Variants in HPSE2 observed in about 807,000 individuals in gnomAD.
HPSE2 encodes heparanase 2 (inactive), also known as inactive heparanase-2.
A neutral mutation model predicts 60.5 loss-of-function variants in HPSE2; 38 were observed. The observed-to-expected ratio is 0.63, with a 90% CI of 0.48 to 0.82. The LOEUF is 0.82. HPSE2 is among the 40% of genes least tolerant of loss of function. The probability of loss-of-function intolerance (pLI) is 0.00; values close to 1 mark genes in which losing one functional copy is unlikely to be tolerated. For synonymous variants in HPSE2, 295 were observed against 293.2 expected, an observed-to-expected ratio of 1.01 and a Z score of -0.06; for missense variants, 713 against 740.4, an observed-to-expected ratio of 0.96 and a Z score of 0.43.
chr10:98,555,834 T>C (rs1943993074), intron 9 of HPSE2, among the ~76,000 whole-genome samples: 1 of 152,180 alleles, frequency 6.6e-6, no homozygotes, highest in African/African-American at 2.4e-5. Context: ...AAGGCCATTA[T>C]CAATGAAGCA....
At chr10:98,542,440 C>T (rs1181766520) in intron 9 of HPSE2, among the ~76,000 whole-genome samples, 52 of 140,182 alleles carry the variant, frequency 3.7e-4, no homozygotes, top group South Asian at 7.0e-4. Context: ...TCCAAAGGAA[C>T]GCAGTTCCTC....
chr10:98,962,988 A>G (rs1396342912), intron 3 of HPSE2, among the ~76,000 whole-genome samples: 1 of 152,174 alleles, frequency 6.6e-6, no homozygotes, highest in Non-Finnish European at 1.5e-5. Context: ...TGTTCTACAG[A>G]GCACATTCTC....
intron 3 of HPSE2, among the ~76,000 whole-genome samples, chr10:98,986,468 G>T (rs1161785296): frequency 3.3e-5 from 5 of 151,234 alleles, no homozygotes; most frequent in African/African-American, 1.2e-4. Flanking sequence ...CAACATACCA[G>T]AATCTCTGGG....
intron 3 of HPSE2, among the ~76,000 whole-genome samples, chr10:98,757,950 C>T (rs965618278): frequency 6.6e-6 from 1 of 152,080 alleles, no homozygotes; most frequent in African/African-American, 2.4e-5. Flanking sequence ...TGCTACAAGG[C>T]TACAAAAACC....
intron 5 of HPSE2, among the ~76,000 whole-genome samples, chr10:98,709,703 T>C (rs1398770836): frequency 6.6e-6 from 1 of 152,226 alleles, no homozygotes; most frequent in Non-Finnish European, 1.5e-5. Flanking sequence ...GGACTCCAAA[T>C]CTAGGAGAAT....
chr10:98,688,465 C>CTTTTTTTT lies in HPSE2; in HGVS notation c.1004+5427_1004+5434dup, dbSNP rs562095149. Among the ~76,000 whole-genome samples, 171 of 103,730 alleles carry CTTTTTTTT rather than the reference C, an allele frequency of 1.6e-3. 8 individuals carry two copies. The highest frequency in any genetic ancestry group is 6.0e-3 in the East Asian group (21 of 3,520). 68.1% of individuals were successfully genotyped at this position (103,730 alleles called of 152,430 possible). A position where few individuals can be genotyped will look rare whatever the true frequency, so the allele number is the denominator to read the frequency against. On this transcript the variant is annotated intron_variant, in intron 6 of 11. Coordinates refer to ENST00000370552, the MANE Select transcript of HPSE2 (RefSeq NM_021828.5). Reference sequence around the variant, plus strand: ...GTCTGAAGAATTTCCTTTAGCATTTCTTTTTTTTTTTCTTTTTTTTTTTTT... The same window carrying CTTTTTTTT: ...GTCTGAAGAATTTCCTTTAGCATTTCTTTTTTTTTTTTTTTTTTTCTTTTTTTTTTTTT...
chr10:98,798,106 C>G lies in HPSE2; in HGVS notation c.611-54050G>C, dbSNP rs192918404. ...AAGGATGGAATAACATACAATGGAG[C>G]TGCAATAGGTCTGGCAGCAGATTTT... is the stretch of plus-strand genomic sequence containing the variant. On this transcript the variant is annotated intron_variant, in intron 3 of 11. Coordinates refer to ENST00000370552, the MANE Select transcript of HPSE2 (RefSeq NM_021828.5). 3.9e-5 allele frequency among the ~76,000 whole-genome samples: 6 copies of G among 152,176 alleles called. No individual in the cohort carries two copies. In the East Asian group the frequency reaches 7.7e-4, roughly 20 times the overall value.
At chr10:98,466,851 T>A (rs1420045348) in intron 11 of HPSE2, among the ~76,000 whole-genome samples, 1 of 152,168 alleles carries the variant, frequency 6.6e-6, no homozygotes, top group Non-Finnish European at 1.5e-5. Flanking sequence ...GACCATGATA[T>A]TGACCTGTCT....
intron 9 of HPSE2, among the ~76,000 whole-genome samples, chr10:98,512,989 A>G (rs938930409): frequency 1.3e-5 from 2 of 152,148 alleles, no homozygotes; most frequent in African/African-American, 4.8e-5. Flanking sequence ...CTCCTGGGAC[A>G]CTTGATTCAA....
intron 3 of HPSE2, among the ~76,000 whole-genome samples, chr10:98,750,113 T>C (rs1204780012): frequency 2.6e-5 from 4 of 151,480 alleles, no homozygotes; most frequent in Admixed American, 2.0e-4. Context: ...AGCATCACAA[T>C]TAAGGTGTCA....
At position 98,514,711 on chromosome 10, in the gene HPSE2, GT is replaced by G. The variant is rs35977879; in HGVS notation, c.1321-24516del. On this transcript the variant is annotated intron_variant, in intron 9 of 11. Transcript: ENST00000370552. ...TCATTTGGCTGTGGTTATATACTTTGTTTTTTTTTTTTTTTTTTTTTTTTTT... is the reference window on the plus strand; with the variant it reads ...TCATTTGGCTGTGGTTATATACTTTGTTTTTTTTTTTTTTTTTTTTTTTTT... Among the ~76,000 whole-genome samples the G allele has an allele frequency of 7.1e-3, 483 of 67,694 alleles. 3 individuals are homozygous for G. The highest frequency in any genetic ancestry group is 0.024 in the African/African-American group (453 of 19,048). 44.4% of individuals were successfully genotyped at this position (67,694 alleles called of 152,430 possible).
chr10:99,295,237 A>T, the HPSE2 span, among the ~76,000 whole-genome samples: 2 of 152,204 alleles, frequency 1.3e-5, no homozygotes, highest in Admixed American at 1.3e-4. Flanking sequence ...TAAAATAGAG[A>T]AATTGACGTA....
At chr10:98,810,092 T>C (rs139217316) in intron 3 of HPSE2, among the ~76,000 whole-genome samples, 1 of 152,276 alleles carries the variant, frequency 6.6e-6, no homozygotes, top group East Asian at 1.9e-4. Flanking sequence ...TCTGCAGTTA[T>C]CCTTGCTTTT....
At chr10:98,772,996 C>T (rs533301962) in intron 3 of HPSE2, among the ~76,000 whole-genome samples, 78 of 152,164 alleles carry the variant, frequency 5.1e-4, no homozygotes, top group Non-Finnish European at 9.4e-4. Context: ...TAGGAAGGAC[C>T]TATTTCCTCT....
intron 3 of HPSE2, among the ~76,000 whole-genome samples, chr10:98,847,630 C>T (rs1376149526): frequency 1.3e-5 from 2 of 152,178 alleles, no homozygotes; most frequent in African/African-American, 2.4e-5. Context: ...TCTGCTATGG[C>T]AAGGGATGGA....
chr10:99,015,919 T>A (rs1204998290), intron 3 of HPSE2, among the ~76,000 whole-genome samples: 1 of 152,226 alleles, frequency 6.6e-6, no homozygotes, highest in Non-Finnish European at 1.5e-5. Context: ...TTGCTTAAGT[T>A]CCTTGTAGAT....
intron 3 of HPSE2, among the ~76,000 whole-genome samples, chr10:98,828,787 C>T (rs1184723939): frequency 2.6e-5 from 4 of 152,126 alleles, no homozygotes; most frequent in African/African-American, 9.7e-5. Context: ...GTGTATAAAA[C>T]TGTATAGTAG....
At chr10:98,658,908 CAG>C (rs1298463482) in intron 6 of HPSE2, among the ~76,000 whole-genome samples, 3 of 142,498 alleles carry the variant, frequency 2.1e-5, no homozygotes, top group East Asian at 2.3e-4. Flanking sequence ...TTGATACTGG[CAG>C]AGTTTTTTTT....
In HPSE2 at chr10:98,693,967, A is replaced by G. The variant is rs1438714811; in HGVS notation, c.957-20T>C. The G allele has an allele frequency of 6.3e-7, 1 of 1,590,604 alleles. No homozygotes were observed. The highest frequency in any genetic ancestry group is 1.1e-5 in the South Asian group (1 of 90,594). On this transcript the variant is annotated intron_variant, in intron 5 of 11. Transcript: ENST00000370552. Reference sequence around the variant, plus strand: ...ATGAATCTGTAAGGAATAGAAAGAAAAAAGATATTACAACTTAGATTAAAC... The same window carrying G: ...ATGAATCTGTAAGGAATAGAAAGAAGAAAGATATTACAACTTAGATTAAAC...
Sources: gnomAD v4.1 joint callset for allele counts (sites outside exome capture counted in the v4.1 genomes callset) on GRCh38, gnomAD v4.1.1 for gene constraint, MANE v1.5 for transcripts, NCBI Gene and HGNC (gene_info 2026-07-23, HGNC 2026-07-21) for gene names.